Variants in PTPRM observed in about 807,000 individuals in gnomAD.
PTPRM encodes receptor-type tyrosine-protein phosphatase mu.
A neutral mutation model predicts 186.7 loss-of-function variants in PTPRM; 47 were observed. That is an observed-to-expected ratio of 0.25 (90% CI 0.20 to 0.32). The LOEUF (loss-of-function observed/expected upper bound fraction) is 0.32. Among genes scored for constraint, PTPRM ranks in the 10% least tolerant of loss-of-function variants. The probability of loss-of-function intolerance (pLI) is 1.00; values close to 1 mark genes in which losing one functional copy is unlikely to be tolerated. For synonymous variants in PTPRM, 668 were observed against 674.9 expected (o/e 0.99, Z 0.16); for missense variants, 1,494 against 1,865.0 (o/e 0.80, Z 3.66).
At chr18:8,138,495 A>G (rs545263737) in intron 13 of PTPRM, among the ~76,000 whole-genome samples, 3 of 152,096 alleles carry the variant, frequency 2.0e-5, no homozygotes, top group Admixed American at 2.0e-4. Flanking sequence ...GACAACTTCA[A>G]AACTTTTTGG....
Position 7,996,594 on chromosome 18 carries a change from C to T in PTPRM, c.1132+41180C>T, listed in dbSNP as rs1305207211. Among the ~76,000 whole-genome samples the T allele has an allele frequency of 2.6e-5, 4 of 152,124 alleles. No homozygotes were observed. In the South Asian group the frequency reaches 6.2e-4, roughly 24 times the overall value. On this transcript the variant is annotated intron_variant, in intron 7 of 32. Transcript: ENST00000580170. ...GTCTCCAAATTGGAAAGGAAGAAGT[C>T]GGATTGTCCTTGTTTGCAGATGACA...
At chr18:7,800,782 A>T (rs2043918743) in intron 2 of PTPRM, among the ~76,000 whole-genome samples, 2 of 152,208 alleles carry the variant, frequency 1.3e-5, no homozygotes, top group Admixed American at 1.3e-4. Context: ...AGCCTATAAG[A>T]CATGTTGGCT....
intron 3 of PTPRM, among the ~76,000 whole-genome samples, chr18:7,902,627 T>TC (rs2049757222): frequency 6.6e-6 from 1 of 152,216 alleles, no homozygotes; most frequent in South Asian, 2.1e-4. Context: ...TCTTGTTTTT[T>TC]CCCTAACTAA....
intron 19 of PTPRM, among the ~76,000 whole-genome samples, chr18:8,289,249 G>A (rs1169053356): frequency 6.6e-6 from 1 of 151,626 alleles, no homozygotes; most frequent in Non-Finnish European, 1.5e-5. Flanking sequence ...AAGCATGTAT[G>A]GATCAACAGG....
At chr18:7,889,339 T>TTTC (rs2048946418) in intron 3 of PTPRM, among the ~76,000 whole-genome samples, 1 of 145,046 alleles carries the variant, frequency 6.9e-6, no homozygotes, top group Admixed American at 6.8e-5. Context: ...CTTTCTTTTT[T>TTTC]TTTTTTTTTT....
intron 2 of PTPRM, among the ~76,000 whole-genome samples, chr18:7,840,099 G>A (rs1163904965): frequency 8.9e-6 from 1 of 112,044 alleles, no homozygotes; most frequent in Non-Finnish European, 1.9e-5. Context: ...GGGGGGGAGG[G>A]CAGGGTGATG....
At chr18:7,756,923 G>A (rs1035668283) in intron 1 of PTPRM, among the ~76,000 whole-genome samples, 3 of 152,164 alleles carry the variant, frequency 2.0e-5, no homozygotes, top group African/African-American at 7.2e-5. Context: ...TTCCTGCCCA[G>A]TGTGGACCCC....
chr18:8,179,375 T>C (rs1336460486), intron 14 of PTPRM, among the ~76,000 whole-genome samples: 2 of 152,222 alleles, frequency 1.3e-5, no homozygotes, highest in Non-Finnish European at 1.5e-5. Context: ...CTTCTATTAG[T>C]TCAGTCCATA....
intron 1 of PTPRM, among the ~76,000 whole-genome samples, chr18:7,772,872 T>A (rs781027914): frequency 1.3e-4 from 20 of 152,292 alleles, no homozygotes; most frequent in Non-Finnish European, 2.4e-4. Flanking sequence ...CAATTATAAT[T>A]TTTTGAATTA....
chr18:7,944,388 C>A (rs573770606), intron 5 of PTPRM, among the ~76,000 whole-genome samples: 1 of 152,216 alleles, frequency 6.6e-6, no homozygotes, highest in African/African-American at 2.4e-5. Flanking sequence ...AACAATTTAC[C>A]CAGTTTCCCT....
At chr18:8,133,146 A>G (rs2092555082) in intron 13 of PTPRM, among the ~76,000 whole-genome samples, 1 of 152,148 alleles carries the variant, frequency 6.6e-6, no homozygotes, top group African/African-American at 2.4e-5. Context: ...TAATCCATTC[A>G]TGAGAACTCT....
intron 13 of PTPRM, among the ~76,000 whole-genome samples, chr18:8,141,326 G>A (rs1186576455): frequency 4.6e-5 from 7 of 152,208 alleles, no homozygotes; most frequent in African/African-American, 7.2e-5. Flanking sequence ...CCCATTTAGC[G>A]TGGTTGCTAC....
At chr18:8,200,291 T>G in intron 14 of PTPRM, among the ~76,000 whole-genome samples, 1 of 147,894 alleles carries the variant, frequency 6.8e-6, no homozygotes, top group African/African-American at 2.5e-5. Context: ...GAGACCCAGG[T>G]GGACAGTTTG....
chr18:8,354,914 T>G (rs114568323), intron 23 of PTPRM, among the ~76,000 whole-genome samples: 2,042 of 152,150 alleles, frequency 0.013, 54 homozygotes, highest in African/African-American at 0.047. Context: ...GTCTAGACAG[T>G]GATTATAATG....
intron 1 of PTPRM, among the ~76,000 whole-genome samples, chr18:7,772,722 T>C (rs2042387546): frequency 6.6e-6 from 1 of 152,092 alleles, no homozygotes; most frequent in Non-Finnish European, 1.5e-5. Context: ...ACCTCTAACA[T>C]CTGTTTTTGC....
chr18:7,704,361 G>T (rs1186472603), intron 1 of PTPRM, among the ~76,000 whole-genome samples: 1 of 152,120 alleles, frequency 6.6e-6, no homozygotes, highest in African/African-American at 2.4e-5. Context: ...CTTGTTATTG[G>T]TCTATTCAGG....
intron 2 of PTPRM, among the ~76,000 whole-genome samples, chr18:7,885,620 G>C (rs1191636300): frequency 2.0e-5 from 3 of 152,138 alleles, no homozygotes. Flanking sequence ...CACTACAGAA[G>C]CATGCCTCAA....
rs901299760 is a variant in PTPRM at position 7,884,964 on chromosome 18, A to G, written c.197-3142A>G. On this transcript the variant is annotated intron_variant, in intron 2 of 32. Coordinates refer to ENST00000580170, the MANE Select transcript of PTPRM (RefSeq NM_001105244.2). ...AAAAAAAAAAAAAGGAGAGAGAGAA[A>G]ATAGCAGATCTTGTGAGAAGAACAG... 3.9e-4 allele frequency among the ~76,000 whole-genome samples: 59 copies of G among 150,654 alleles called. 2 individuals carry two copies. The highest frequency in any genetic ancestry group is 1.5e-5 in the Non-Finnish European group (1 of 67,654).
Position 8,390,245 on chromosome 18 carries a change from G to A in PTPRM, c.4208+3010G>A, listed in dbSNP as rs184737844. 2.6e-5 allele frequency among the ~76,000 whole-genome samples: 4 copies of A among 152,330 alleles called. No individual in the cohort carries two copies. The East Asian group carries it at 5.8e-4, about 22-fold the overall frequency. On this transcript the variant is annotated intron_variant, in intron 31 of 32. Transcript: ENST00000580170. The stretch of plus-strand genomic sequence containing the variant: ...TGGGTGGGGAAGACTGCCTGGACAC[G>A]TTGGTCTCCCTCACTCCATGTACAG...
Sources: gnomAD v4.1 joint callset for allele counts (sites outside exome capture counted in the v4.1 genomes callset) on GRCh38, gnomAD v4.1.1 for gene constraint, MANE v1.5 for transcripts, NCBI Gene and HGNC (gene_info 2026-07-23, HGNC 2026-07-21) for gene names.